Variants in BRD10 observed in about 807,000 individuals in gnomAD.
BRD10 encodes bromodomain containing 10, also known as uncharacterized bromodomain-containing protein 10.
the BRD10 span, among the ~76,000 whole-genome samples, chr9:5,980,690 G>A: frequency 2.0e-5 from 3 of 152,082 alleles, no homozygotes; most frequent in Admixed American, 6.6e-5. Context: ...TATAGAGAGA[G>A]AGAGAGTAAA....
the BRD10 span, among the ~76,000 whole-genome samples, chr9:5,890,578 A>G: frequency 6.6e-6 from 1 of 152,186 alleles, no homozygotes; most frequent in Admixed American, 6.5e-5. Context: ...TGCAAAAGTA[A>G]TTGTGGTGTC....
the BRD10 span, among the ~76,000 whole-genome samples, chr9:5,906,316 T>C: frequency 2.6e-4 from 38 of 143,736 alleles, no homozygotes; most frequent in Non-Finnish European, 4.8e-4. Flanking sequence ...GGCAACAGAG[T>C]GAGACTCTGT....
chr9:5,928,318 C>T, the BRD10 span, among the ~76,000 whole-genome samples: 3 of 152,176 alleles, frequency 2.0e-5, no homozygotes, highest in Non-Finnish European at 4.4e-5. Context: ...ATACTGGTTT[C>T]CCTGCTTTCA....
chr9:5,957,470 C>G, the BRD10 span, among the ~76,000 whole-genome samples: 1 of 152,152 alleles, frequency 6.6e-6, no homozygotes, highest in Non-Finnish European at 1.5e-5. Flanking sequence ...TATTACCTCA[C>G]TTATCACAGA....
chr9:5,980,032 A>G, the BRD10 span, among the ~76,000 whole-genome samples: 3 of 151,950 alleles, frequency 2.0e-5, no homozygotes, highest in Admixed American at 1.3e-4. Context: ...AAAAAAAGAA[A>G]AAAAAAAAAG....
the BRD10 span, chr9:5,910,780 C>G: frequency 4.6e-5 from 7 of 152,180 alleles, no homozygotes; most frequent in East Asian, 1.2e-3. Context: ...AAGACTTACT[C>G]CCCACTTCAC....
the BRD10 span, among the ~76,000 whole-genome samples, chr9:5,894,487 C>T: frequency 1.3e-5 from 2 of 152,072 alleles, no homozygotes; most frequent in Non-Finnish European, 2.9e-5. The surrounding 1 kb of genome is among the most constrained non-coding windows in gnomAD (Gnocchi z 4.0). Context: ...GGAGGAGGGA[C>T]GCCACAGAAA....
chr9:5,908,772 A>G, the BRD10 span: 242 of 1,439,424 alleles, frequency 1.7e-4, 2 homozygotes, highest in South Asian at 2.6e-3. Flanking sequence ...TGAATTTAAT[A>G]CAGACATCTA....
the BRD10 span, among the ~76,000 whole-genome samples, chr9:5,900,518 T>G: frequency 6.6e-6 from 1 of 152,216 alleles, no homozygotes; most frequent in Non-Finnish European, 1.5e-5. Flanking sequence ...TACCTCCCTT[T>G]CTGTCTTCAG....
At chr9:5,969,922 T>TAA in the BRD10 span, among the ~76,000 whole-genome samples, 6 of 152,214 alleles carry the variant, frequency 3.9e-5, no homozygotes, top group Non-Finnish European at 8.8e-5. Flanking sequence ...GAAATACACA[T>TAA]ATCACTTCAG....
chr9:5,949,624 G>A, the BRD10 span, among the ~76,000 whole-genome samples: 83 of 152,276 alleles, frequency 5.5e-4, no homozygotes, highest in African/African-American at 1.9e-3. Flanking sequence ...TATGAAATGG[G>A]AGCAAGGGCA....
the BRD10 span, chr9:5,969,523 A>C: frequency 1.1e-6 from 1 of 897,030 alleles, no homozygotes; most frequent in South Asian, 1.9e-5. Flanking sequence ...TTAGCCAAAA[A>C]GGCAATCAAC....
the BRD10 span, among the ~76,000 whole-genome samples, chr9:5,931,042 TATG>T: frequency 6.6e-6 from 1 of 152,216 alleles, no homozygotes; most frequent in African/African-American, 2.4e-5. Flanking sequence ...AGAGGAAAGA[TATG>T]ATAGTAGGGA....
the BRD10 span, among the ~76,000 whole-genome samples, chr9:5,982,055 G>GTATA: frequency 0.19 from 28,502 of 150,964 alleles, 2,836 homozygotes; most frequent in Middle Eastern, 0.29. Flanking sequence ...GTATGTGTGT[G>GTATA]TATATATATA....
chr9:5,962,009 G>A, the BRD10 span, among the ~76,000 whole-genome samples: 1 of 151,840 alleles, frequency 6.6e-6, no homozygotes, highest in Non-Finnish European at 1.5e-5. Context: ...GTTATTTCTT[G>A]CCTTCTGCTA....
chr9:5,968,715 G>A, the BRD10 span: 71 of 1,613,756 alleles, frequency 4.4e-5, no homozygotes, highest in African/African-American at 8.0e-5. Context: ...AATTTAATCC[G>A]AGGTACTCTT....
At chr9:5,994,078 T>C in the BRD10 span, among the ~76,000 whole-genome samples, 1 of 152,154 alleles carries the variant, frequency 6.6e-6, no homozygotes, top group Non-Finnish European at 1.5e-5. Flanking sequence ...AAAACAAGCC[T>C]TTCAAATAGC....
chr9:5,914,973 C>A, the BRD10 span, among the ~76,000 whole-genome samples: 2 of 151,962 alleles, frequency 1.3e-5, no homozygotes, highest in African/African-American at 4.8e-5. Context: ...ATAAAGAGAA[C>A]CCCGCCAAGC....
the BRD10 span, chr9:5,920,230 G>C: frequency 4.3e-6 from 7 of 1,613,874 alleles, no homozygotes; most frequent in South Asian, 4.4e-5. Flanking sequence ...TAAGAACTAA[G>C]GGGGCTCCAT....
Sources: allele counts gnomAD v4.1 joint callset (sites outside exome capture counted in the v4.1 genomes callset), GRCh38; gene constraint gnomAD v4.1.1; non-coding constraint Gnocchi (gnomAD v3.1); transcripts MANE v1.5; gene names NCBI Gene and HGNC (gene_info 2026-07-23, HGNC 2026-07-21).